Variants in VAV3 observed in about 807,000 individuals in gnomAD.
VAV3 encodes the protein guanine nucleotide exchange factor VAV3.
Under a neutral mutation model 131.2 loss-of-function variants are expected in VAV3, and 94 were observed. The ratio of observed to expected loss-of-function variants is 0.72; its 90% CI spans 0.61 to 0.85. VAV3 has a LOEUF of 0.85. Ranked by LOEUF, VAV3 falls within the 40% of genes least tolerant of loss-of-function variation. The probability of loss-of-function intolerance (pLI) is 0.00; values close to 1 mark genes in which losing one functional copy is unlikely to be tolerated. For missense variants in VAV3, 939 were observed against 1,002.7 expected (o/e 0.94, Z 0.86); for synonymous variants, 349 against 342.0 (o/e 1.02, Z -0.22).
intron 2 of VAV3, among the ~76,000 whole-genome samples, chr1:107,846,913 C>T (rs1400268306): frequency 2.6e-5 from 4 of 152,106 alleles, no homozygotes; most frequent in African/African-American, 7.2e-5. Context: ...AGCTCTGGAC[C>T]AACTGGACCT....
intron 21 of VAV3, 88 bp downstream of exon 21, chr1:107,617,479 G>A (rs1444301391): frequency 9.2e-7 from 1 of 1,084,502 alleles, no homozygotes; most frequent in Non-Finnish European, 1.4e-6. Flanking sequence ...TAACTGACCT[G>A]GCCAGTATCC....
chr1:107,772,892 G>C (rs1467240318), intron 4 of VAV3, 49 bp from the exon 5 acceptor site: 2 of 1,478,596 alleles, frequency 1.4e-6, no homozygotes, highest in Non-Finnish European at 1.9e-6. Context: ...TGCAGTAAAT[G>C]CAATAGCTAC....
At chr1:107,827,863 T>C (rs1002300777) in intron 2 of VAV3, among the ~76,000 whole-genome samples, 1 of 152,194 alleles carries the variant, frequency 6.6e-6, no homozygotes, top group African/African-American at 2.4e-5. Context: ...AAATATTTTA[T>C]TAGTATCTTG....
chr1:107,939,565 G>A (rs1673885277), intron 1 of VAV3, among the ~76,000 whole-genome samples: 1 of 151,956 alleles, frequency 6.6e-6, no homozygotes, highest in African/African-American at 2.4e-5. Context: ...AGTGTTTTTT[G>A]GTTTTCCATC....
chr1:107,763,552 TCA>T (rs926677153), intron 9 of VAV3, among the ~76,000 whole-genome samples: 14 of 151,802 alleles, frequency 9.2e-5, no homozygotes, highest in African/African-American at 3.1e-4. Context: ...ATATTTTGAG[TCA>T]CAGTGGCTCC....
At chr1:107,877,153 A>G (rs1171785429) in intron 1 of VAV3, among the ~76,000 whole-genome samples, 1 of 152,208 alleles carries the variant, frequency 6.6e-6, no homozygotes, top group Non-Finnish European at 1.5e-5. Context: ...TAATCAGCAC[A>G]TGCAGTTACT....
intron 2 of VAV3, among the ~76,000 whole-genome samples, chr1:107,866,822 C>CAA (rs66866060): frequency 0.065 from 3,867 of 59,096 alleles, 656 homozygotes; most frequent in East Asian, 0.18. Flanking sequence ...GACTCCATCT[C>CAA]AAAAAAAAAA....
chr1:107,577,386 C>T (rs1025285121), intron 25 of VAV3, among the ~76,000 whole-genome samples: 1 of 152,232 alleles, frequency 6.6e-6, no homozygotes, highest in African/African-American at 2.4e-5. Context: ...GGTGCCACTG[C>T]AATGGAAAAG....
intron 2 of VAV3, among the ~76,000 whole-genome samples, chr1:107,834,554 T>C (rs1428153079): frequency 1.3e-5 from 2 of 151,842 alleles, no homozygotes; most frequent in Admixed American, 6.6e-5. Context: ...TCACATGGAA[T>C]AGTCATCATG....
chr1:107,770,787 G>A, intron 5 of VAV3, 59 bp from the exon 6 acceptor site: 1 of 1,374,792 alleles, frequency 7.3e-7, no homozygotes, highest in Middle Eastern at 2.4e-4. Flanking sequence ...AACCTATCGG[G>A]AAGTAGAGAT....
intron 17 of VAV3, among the ~76,000 whole-genome samples, chr1:107,691,361 T>G (rs533679574): frequency 1.3e-5 from 2 of 152,296 alleles, no homozygotes; most frequent in East Asian, 3.9e-4. Context: ...TTTTACTTCC[T>G]TTTGGTATCC....
At chr1:107,935,270 C>G (rs143408448) in intron 1 of VAV3, among the ~76,000 whole-genome samples, 2 of 152,140 alleles carry the variant, frequency 1.3e-5, no homozygotes, top group Non-Finnish European at 2.9e-5. Flanking sequence ...TGATTTCATT[C>G]AAGTGAATAA....
intron 19 of VAV3, among the ~76,000 whole-genome samples, chr1:107,680,377 A>G (rs1205174948): frequency 6.6e-6 from 1 of 152,196 alleles, no homozygotes; most frequent in Non-Finnish European, 1.5e-5. Context: ...GAAATTCAAC[A>G]TAAAATTCAG....
intron 1 of VAV3, among the ~76,000 whole-genome samples, chr1:107,910,706 G>A (rs756143375): frequency 2.0e-5 from 3 of 151,936 alleles, no homozygotes; most frequent in East Asian, 1.9e-4. Flanking sequence ...GAGGCCATGC[G>A]TGGTGGCTCA....
intron 15 of VAV3, among the ~76,000 whole-genome samples, chr1:107,745,837 T>G (rs1557814894): frequency 6.6e-6 from 1 of 152,186 alleles, no homozygotes; most frequent in Non-Finnish European, 1.5e-5. Flanking sequence ...TTGATTTCCC[T>G]CCACCCTCTC....
Position 107,964,938 on chromosome 1 carries a change from G to A in VAV3, c.-69C>T. The A allele has an allele frequency of 1.7e-6, 2 of 1,190,680 alleles. No homozygotes were observed. The highest frequency in any genetic ancestry group is 2.1e-6 in the Non-Finnish European group (2 of 948,982). 73.8% of individuals were successfully genotyped at this position (1,190,680 alleles called of 1,614,324 possible). A position where few individuals can be genotyped will look rare whatever the true frequency, so the allele number is the denominator to read the frequency against. On this transcript the variant is annotated 5_prime_UTR_variant, in exon 1 of 27. Coordinates refer to ENST00000370056, the MANE Select transcript of VAV3 (RefSeq NM_006113.5). ...GGATGCGGCCGCCGCCGCCGCCGCC[G>A]CGGTTCCTCCGCGCCCCGCCGACGC...
At chr1:107,631,344 T>A (rs1353605668) in intron 20 of VAV3, among the ~76,000 whole-genome samples, 1 of 151,992 alleles carries the variant, frequency 6.6e-6, no homozygotes, top group East Asian at 1.9e-4. Context: ...AGCTAACTGT[T>A]CCATGGTCCC....
At chr1:107,820,476 G>A (rs1042696058) in intron 2 of VAV3, among the ~76,000 whole-genome samples, 4 of 151,974 alleles carry the variant, frequency 2.6e-5, no homozygotes, top group Non-Finnish European at 4.4e-5. Context: ...GGGGAGTGGG[G>A]GGGTAGGGTG....
At chr1:107,681,774 C>T (rs901526346) in intron 19 of VAV3, among the ~76,000 whole-genome samples, 2 of 152,056 alleles carry the variant, frequency 1.3e-5, no homozygotes, top group Admixed American at 1.3e-4. Context: ...CTGCCTCAGC[C>T]TCCCAAGTAG....
Sources: allele counts gnomAD v4.1 joint callset (sites outside exome capture counted in the v4.1 genomes callset), GRCh38; gene constraint gnomAD v4.1.1; transcripts MANE v1.5; gene names NCBI Gene and HGNC (gene_info 2026-07-23, HGNC 2026-07-21).